RALGAPB: variants seen among roughly 807,000 people sequenced by gnomAD.
RALGAPB encodes the protein ral GTPase-activating protein subunit beta.
Under a neutral mutation model 161.1 loss-of-function variants are expected in RALGAPB, and 25 were observed. The observed-to-expected ratio is 0.16, with a 90% CI of 0.11 to 0.22. The LOEUF is 0.22. Ranked by LOEUF, RALGAPB falls within the 10% of genes least tolerant of loss-of-function variation. The pLI is 1.00. For synonymous variants in RALGAPB, 629 were observed against 626.1 expected, an observed-to-expected ratio of 1.00 and a Z score of -0.07; for missense variants, 1,391 against 1,815.2, an observed-to-expected ratio of 0.77 and a Z score of 4.25.
At chr20:38,494,776 C>G (rs1473055972) in intron 3 of RALGAPB, among the ~76,000 whole-genome samples, 1 of 152,106 alleles carries the variant, frequency 6.6e-6, no homozygotes, top group African/African-American at 2.4e-5. Flanking sequence ...TTTCTTCGTG[C>G]CTGGGATAGT....
At chr20:38,492,453 G>A (rs906485521) in intron 2 of RALGAPB, among the ~76,000 whole-genome samples, 1 of 151,196 alleles carries the variant, frequency 6.6e-6, no homozygotes, top group African/African-American at 2.4e-5. Context: ...GAGAACAGTT[G>A]TAAAGTAAGA....
chr20:38,552,731 A>T (rs2087421584), intron 21 of RALGAPB, among the ~76,000 whole-genome samples: 2 of 152,206 alleles, frequency 1.3e-5, no homozygotes, highest in South Asian at 4.1e-4. Flanking sequence ...TTGGCAGTGT[A>T]ATAGGGGATC....
At chr20:38,556,945 T>C (rs747686877) in intron 22 of RALGAPB, among the ~76,000 whole-genome samples, 13 of 152,216 alleles carry the variant, frequency 8.5e-5, no homozygotes, top group Non-Finnish European at 1.6e-4. Flanking sequence ...AATACACTTA[T>C]GTTTGACTGC....
At chr20:38,550,942 G>C (rs2087353120) in intron 20 of RALGAPB, 129 bp from the exon 21 acceptor site, 10 of 1,063,566 alleles carry the variant, frequency 9.4e-6, no homozygotes, top group Non-Finnish European at 1.4e-5. Flanking sequence ...GCATTTGCAG[G>C]TTCTGAGTGA....
At chr20:38,531,339 A>G (rs921042966) in intron 14 of RALGAPB, 108 bp downstream of exon 14, 3 of 923,296 alleles carry the variant, frequency 3.2e-6, no homozygotes, top group Non-Finnish European at 5.0e-6. Flanking sequence ...TGGTTTGTAA[A>G]TCCTGCTCAT....
chr20:38,501,680 C>T (rs576056651), intron 5 of RALGAPB, among the ~76,000 whole-genome samples: 2 of 152,276 alleles, frequency 1.3e-5, no homozygotes, highest in East Asian at 1.9e-4. Context: ...GCTTGGATTA[C>T]AGGCATGAGC....
intron 3 of RALGAPB, among the ~76,000 whole-genome samples, chr20:38,494,385 T>C (rs563280742): frequency 2.6e-5 from 4 of 152,312 alleles, no homozygotes. Context: ...AATCCCAGCA[T>C]GTTTGGAGGC....
intron 20 of RALGAPB, among the ~76,000 whole-genome samples, chr20:38,549,367 G>A (rs1475140077): frequency 6.6e-6 from 1 of 151,626 alleles, no homozygotes; most frequent in Non-Finnish European, 1.5e-5. Flanking sequence ...AGCTGAGACT[G>A]TAGGCACATG....
At position 38,533,777 on chromosome 20, in the gene RALGAPB, A is replaced by G. The variant is rs141774874; in HGVS notation, c.2245+918A>G. Among the ~76,000 whole-genome samples, 331 of 152,324 alleles carry G rather than the reference A, an allele frequency of 2.2e-3. 1 individual carries two copies. Among genetic ancestry groups the G allele is most frequent in the African/African-American group, 7.7e-3 (319 of 41,568 alleles). On this transcript the variant is annotated intron_variant, in intron 15 of 29. Transcript: ENST00000262879. The stretch of plus-strand genomic sequence containing the variant: ...AAATTATCTTATTCACTGTGTATGT[A>G]GATTTAGGTATTCTATAGGTTGAAA...
rs2088389327 is a variant in RALGAPB at position 38,575,108 on chromosome 20, T to G, written c.*141T>G. The G allele has an allele frequency of 1.4e-6, 1 of 722,668 alleles. No homozygotes were observed. The highest frequency in any genetic ancestry group is 1.8e-5 in the African/African-American group (1 of 56,056). 44.8% of individuals were successfully genotyped at this position (722,668 alleles called of 1,614,324 possible). A position where few individuals can be genotyped will look rare whatever the true frequency, so the allele number is the denominator to read the frequency against. On this transcript the variant is annotated 3_prime_UTR_variant, in exon 30 of 30. Coordinates refer to ENST00000262879, the MANE Select transcript of RALGAPB (RefSeq NM_020336.4). ...TAATCACCAGAATAGAAGAAACACATTATAACCCATTTGATAGAAGACTTT... is the reference window on the plus strand; with the variant it reads ...TAATCACCAGAATAGAAGAAACACAGTATAACCCATTTGATAGAAGACTTT...
intron 5 of RALGAPB, among the ~76,000 whole-genome samples, chr20:38,503,133 TTAA>T (rs1469301359): frequency 6.6e-6 from 1 of 152,258 alleles, no homozygotes; most frequent in Non-Finnish European, 1.5e-5. Context: ...TATGATTTTC[TTAA>T]TAACATTTTA....
intron 26 of RALGAPB, chr20:38,568,854 G>A (rs2088113455): frequency 6.6e-6 from 1 of 152,148 alleles, no homozygotes; most frequent in Non-Finnish European, 1.5e-5. Flanking sequence ...GGGTTTAATT[G>A]GGTTACTTTG....
At position 38,548,271 on chromosome 20, in the gene RALGAPB, CTG is replaced by C. The variant is rs1250228927; in HGVS notation, c.2903-416_2903-415del. On this transcript the variant is annotated intron_variant, in intron 19 of 29. Transcript: ENST00000262879. ...AACACTAACACTGCAAACACCCAGT[CTG>C]TCTTTCTACACTTAAGTTGTTCCCA... Among the ~76,000 whole-genome samples the C allele has an allele frequency of 1.3e-4, 20 of 152,272 alleles. No homozygotes were observed. In the South Asian group the frequency reaches 3.7e-3, roughly 28 times the overall value.
rs191126950 is a variant in RALGAPB at position 38,576,100 on chromosome 20, A to C, written c.*1133A>C. The C allele has an allele frequency of 6.6e-6, 1 of 152,390 alleles. No individual in the cohort carries two copies. The highest frequency in any genetic ancestry group is 1.5e-5 in the Non-Finnish European group (1 of 68,042). 9.4% of individuals were successfully genotyped at this position (152,390 alleles called of 1,614,324 possible). Reference sequence around the variant, plus strand: ...CCTGCCAGGTTTTGGAAATACTTCTATTACCTCGCTGCTACTTTTCTGCAG... The same window carrying C: ...CCTGCCAGGTTTTGGAAATACTTCTCTTACCTCGCTGCTACTTTTCTGCAG... On this transcript the variant is annotated 3_prime_UTR_variant, in exon 30 of 30. Transcript: ENST00000262879.
rs768950595 is a variant in RALGAPB at position 38,517,890 on chromosome 20, G to A, written c.1307G>A (p.Arg436Gln). 5.6e-6 allele frequency: 9 copies of A among 1,613,628 alleles called. No homozygotes were observed. The highest frequency in any genetic ancestry group is 2.2e-5 in the East Asian group (1 of 44,888). Residue 436 changes from arginine (R) to glutamine (Q), a missense_variant, in exon 9 of 30, where the codon CGG becomes CAG. Around this residue, in one of 3 missense-constraint regions of RALGAPB, gnomAD observed 946 missense variants for 1,257.2 expected, o/e 0.75. Coordinates refer to ENST00000262879, the MANE Select transcript of RALGAPB (RefSeq NM_020336.4). ...SSEPRPLPAP[R>Q]RPKVNSILNL... ...GAACCCCGGCCACTGCCTGCCCCTC[G>A]GAGACCAAAGGTTAACAGCATCTTG...
intron 16 of RALGAPB, among the ~76,000 whole-genome samples, chr20:38,535,657 A>G (rs1280644219): frequency 6.6e-6 from 1 of 151,424 alleles, no homozygotes; most frequent in East Asian, 1.9e-4. Flanking sequence ...TAGTCGTGCA[A>G]ACTTGTTGCA....
chr20:38,499,723 G>A, intron 5 of RALGAPB, 90 bp downstream of exon 5: 2 of 1,271,416 alleles, frequency 1.6e-6, no homozygotes, highest in Non-Finnish European at 1.1e-6. Context: ...ACAAAGGCTG[G>A]GTCTGTTATT....
chr20:38,508,133 A>G (rs1471099956), intron 5 of RALGAPB, among the ~76,000 whole-genome samples: 1 of 151,178 alleles, frequency 6.6e-6, no homozygotes, highest in Non-Finnish European at 1.5e-5. Context: ...AAGTATAATT[A>G]CATATATAAA....
rs1439650205 is a variant in RALGAPB at position 38,575,756 on chromosome 20, G to T, written c.*789G>T. 1 of 152,222 alleles carries T rather than the reference G, an allele frequency of 6.6e-6. No individual in the cohort carries two copies. Among genetic ancestry groups the T allele is most frequent in the Non-Finnish European group, 1.5e-5 (1 of 68,028 alleles). 9.4% of individuals were successfully genotyped at this position (152,222 alleles called of 1,614,324 possible). ...ACTCTCTCCATTATTGTCCAGCGGG[G>T]TGACATAATGACAGGTTAAATATTT... On this transcript the variant is annotated 3_prime_UTR_variant, in exon 30 of 30. Transcript: ENST00000262879.
Sources: allele counts gnomAD v4.1 joint callset (sites outside exome capture counted in the v4.1 genomes callset), GRCh38; gene constraint gnomAD v4.1.1; regional missense constraint gnomAD v4.1.1; transcripts MANE v1.5; gene names NCBI Gene and HGNC (gene_info 2026-07-23, HGNC 2026-07-21).